SV2C: variants seen among roughly 807,000 people sequenced by gnomAD.
SV2C encodes solute carrier family 22 member B3.
SV2C carries 49 observed loss-of-function variants against 79.7 expected under a neutral mutation model. The ratio of observed to expected loss-of-function variants is 0.61; its 90% confidence interval spans 0.49 to 0.78. The LOEUF (loss-of-function observed/expected upper bound fraction) is 0.78. SV2C is among the 30% of genes least tolerant of loss of function. SV2C has a pLI of 0.00. For synonymous variants in SV2C, 334 were observed against 333.2 expected (o/e 1.00, Z -0.03); for missense variants, 833 against 912.9 (o/e 0.91, Z 1.13).
chr5:76,047,565 A>G, the SV2C span, among the ~76,000 whole-genome samples: 1 of 152,132 alleles, frequency 6.6e-6, no homozygotes, highest in Non-Finnish European at 1.5e-5. Context: ...TAAATTGGTG[A>G]AAATTATGTG....
chr5:76,344,098 G>A (rs1222969180), intron 12 of SV2C, among the ~76,000 whole-genome samples: 2 of 152,090 alleles, frequency 1.3e-5, no homozygotes, highest in Admixed American at 1.3e-4. Context: ...TCTGCCCCCT[G>A]CCCATCTTCT....
At chr5:76,083,102 C>G (rs1747046494), upstream of SV2C, 1 of 152,476 alleles carries the variant, frequency 6.6e-6, no homozygotes, top group African/African-American at 2.4e-5. Flanking sequence ...GAAGTACCTA[C>G]CACTTGGAGG....
At chr5:75,978,473 G>A in the SV2C span, among the ~76,000 whole-genome samples, 1 of 152,010 alleles carries the variant, frequency 6.6e-6, no homozygotes, top group Non-Finnish European at 1.5e-5. Context: ...TCAATTCTAA[G>A]ACACACTGTT....
At chr5:76,240,435 C>G (rs1157368538) in intron 4 of SV2C, among the ~76,000 whole-genome samples, 1 of 152,190 alleles carries the variant, frequency 6.6e-6, no homozygotes, top group East Asian at 1.9e-4. Flanking sequence ...CTCCAAAGAC[C>G]TCTCATCCCC....
chr5:76,247,048 A>T (rs1745967128), intron 4 of SV2C, among the ~76,000 whole-genome samples: 1 of 152,200 alleles, frequency 6.6e-6, no homozygotes, highest in Non-Finnish European at 1.5e-5. Flanking sequence ...AGATGTATTG[A>T]TGACCTTTAC....
At chr5:75,933,359 G>A in the SV2C span, among the ~76,000 whole-genome samples, 26 of 152,120 alleles carry the variant, frequency 1.7e-4, no homozygotes, top group Non-Finnish European at 3.7e-4. Flanking sequence ...TCTCAAAGAC[G>A]AGTTTCTCAT....
chr5:76,207,561 T>C (rs1580353927), intron 3 of SV2C, among the ~76,000 whole-genome samples: 1 of 152,372 alleles, frequency 6.6e-6, no homozygotes, highest in South Asian at 2.1e-4. Flanking sequence ...CCAATAAGCA[T>C]CACACATTTG....
intron 2 of SV2C, among the ~76,000 whole-genome samples, chr5:76,156,889 A>G (rs1373174014): frequency 2.6e-5 from 4 of 152,140 alleles, no homozygotes; most frequent in African/African-American, 9.6e-5. Context: ...AAAAAAATGA[A>G]CAGAGCCTTA....
intron 12 of SV2C, among the ~76,000 whole-genome samples, 189 bp downstream of exon 12, chr5:76,301,734 C>A (rs547084998): frequency 2.6e-5 from 4 of 152,008 alleles, no homozygotes; most frequent in Admixed American, 6.6e-5. Flanking sequence ...TATGGTGAAA[C>A]CTCGTCTCTA....
intron 1 of SV2C, among the ~76,000 whole-genome samples, chr5:76,095,842 C>T (rs1171238412): frequency 3.9e-5 from 6 of 151,978 alleles, no homozygotes; most frequent in African/African-American, 1.4e-4. Flanking sequence ...ATACCAATCC[C>T]TTTGAAAGCA....
At chr5:76,075,628 A>C in the SV2C span, 1 of 238,360 alleles carries the variant, frequency 4.2e-6, no homozygotes, top group African/African-American at 2.3e-5. Flanking sequence ...CCTGTGGTCC[A>C]GTGAGTGGCA....
chr5:76,194,926 A>T lies in SV2C; in HGVS notation c.588A>T (p.Ile196=). 6.2e-7 allele frequency: 1 copy of T among 1,613,910 alleles called. No individual in the cohort carries two copies. Among genetic ancestry groups the T allele is most frequent in the Non-Finnish European group, 8.5e-7 (1 of 1,179,896 alleles). ...PNSGSGWLGS[I]VYLGMMVGAF... ...GTTTTCTGTGTGTTGCAGGCAGCAT[A>T]GTGTACCTCGGGATGATGGTGGGGG... Residue 196 remains isoleucine (I), a synonymous_variant, in exon 3 of 13, where the codon ATA becomes ATT. Transcript: ENST00000502798.
At chr5:76,257,396 G>C (rs1746317636) in intron 4 of SV2C, among the ~76,000 whole-genome samples, 1 of 151,396 alleles carries the variant, frequency 6.6e-6, no homozygotes, top group South Asian at 2.1e-4. Flanking sequence ...CGTGTAGTAT[G>C]TGTGGGGTAG....
chr5:76,200,048 G>C (rs1744390265), intron 3 of SV2C, among the ~76,000 whole-genome samples: 1 of 152,242 alleles, frequency 6.6e-6, no homozygotes, highest in African/African-American at 2.4e-5. Context: ...GTGGACACTG[G>C]CTCTAAACTG....
At chr5:76,146,856 CAA>C (rs942367791) in intron 2 of SV2C, among the ~76,000 whole-genome samples, 1 of 69,866 alleles carries the variant, frequency 1.4e-5, no homozygotes, top group South Asian at 5.0e-4. Flanking sequence ...GGAAAATAAA[CAA>C]AAAAAAAGTT....
chr5:76,282,104 G>A (rs2112491128), intron 4 of SV2C, among the ~76,000 whole-genome samples: 1 of 152,316 alleles, frequency 6.6e-6, no homozygotes, highest in African/African-American at 2.4e-5. Flanking sequence ...TTCTGTGTGA[G>A]AAACATGTGA....
At chr5:76,312,262 T>G (rs1002243132) in intron 12 of SV2C, among the ~76,000 whole-genome samples, 5 of 150,640 alleles carry the variant, frequency 3.3e-5, no homozygotes, top group South Asian at 2.1e-4. Context: ...CTTTTTTTTT[T>G]TGGGGGGGGG....
intron 3 of SV2C, among the ~76,000 whole-genome samples, chr5:76,195,682 C>T (rs1200635301): frequency 5.9e-5 from 9 of 152,002 alleles, no homozygotes; most frequent in African/African-American, 2.2e-4. Flanking sequence ...GCTTAAAGCA[C>T]TTATAACTAT....
intron 4 of SV2C, among the ~76,000 whole-genome samples, chr5:76,237,877 A>G (rs1012889956): frequency 6.6e-6 from 1 of 152,042 alleles, no homozygotes; most frequent in Admixed American, 6.6e-5. Flanking sequence ...TCATGATCAT[A>G]ATATTCAAAT....
Sources: gnomAD v4.1 joint callset for allele counts (sites outside exome capture counted in the v4.1 genomes callset) on GRCh38, gnomAD v4.1.1 for gene constraint, MANE v1.5 for transcripts, NCBI Gene and HGNC (gene_info 2026-07-23, HGNC 2026-07-21) for gene names.